Variants in DCP2 observed in about 807,000 individuals in gnomAD.
The protein encoded by DCP2 is m7GpppN-mRNA hydrolase.
DCP2 carries 30 observed loss-of-function variants against 56.1 expected under a neutral mutation model. That is an observed-to-expected ratio of 0.53 (90% confidence interval 0.40 to 0.73). The LOEUF is 0.73. Ranked by LOEUF, DCP2 falls within the 30% of genes least tolerant of loss-of-function variation. The pLI is 0.00. For missense variants in DCP2, 533 were observed against 502.7 expected (o/e 1.06, Z -0.58); for synonymous variants, 197 against 163.3 (o/e 1.21, Z -1.57).
chr5:112,990,075 G>A (rs1748510225), intron 2 of DCP2, among the ~76,000 whole-genome samples: 1 of 152,168 alleles, frequency 6.6e-6, no homozygotes, highest in Non-Finnish European at 1.5e-5. Context: ...ACATATATTT[G>A]TACATGTAAA....
chr5:112,992,248 T>C lies in DCP2; in HGVS notation c.333T>C (p.Asn111=), dbSNP rs761619237. 13 of 1,609,464 alleles carry C rather than the reference T, an allele frequency of 8.1e-6. No individual in the cohort carries two copies. The Admixed American group carries it at 1.4e-4, about 17-fold the overall frequency. Reference sequence around the variant, plus strand: ...TTATTCTTGATGAGACACTTGAAAATGTGAGTGTAATGAAATAAAGATTTT... The same window carrying C: ...TTATTCTTGATGAGACACTTGAAAACGTGAGTGTAATGAAATAAAGATTTT... The part of the protein sequence containing the change: ...GAIILDETLE[N]VLLVQGYLAK... The change falls in exon 3 of 11, where the codon AAT becomes AAC. Residue 111 remains asparagine, a splice_region_variant and synonymous_variant. Coordinates refer to ENST00000389063, the MANE Select transcript of DCP2 (RefSeq NM_152624.6).
At chr5:112,982,389 T>C (rs896147039) in intron 1 of DCP2, among the ~76,000 whole-genome samples, 1 of 152,210 alleles carries the variant, frequency 6.6e-6, no homozygotes, top group African/African-American at 2.4e-5. Flanking sequence ...TTCACAACTC[T>C]CTGAGATGGT....
At chr5:112,989,036 A>G (rs1221352652) in intron 2 of DCP2, among the ~76,000 whole-genome samples, 2 of 152,222 alleles carry the variant, frequency 1.3e-5, no homozygotes, top group Admixed American at 1.3e-4. Flanking sequence ...ACACTTCATT[A>G]AGTAACTTCA....
chr5:113,005,014 A>G (rs1165355435), intron 8 of DCP2, among the ~76,000 whole-genome samples: 1 of 151,812 alleles, frequency 6.6e-6, no homozygotes, highest in African/African-American at 2.4e-5. Flanking sequence ...AATCCCAGCT[A>G]CTCTAGATAG....
intron 2 of DCP2, among the ~76,000 whole-genome samples, chr5:112,986,199 C>T (rs947685147): frequency 3.3e-5 from 5 of 152,030 alleles, no homozygotes; most frequent in Admixed American, 3.3e-4. Context: ...ACAGAGGACG[C>T]CCTAAAATGT....
At chr5:112,986,114 T>C in intron 2 of DCP2, 128 bp downstream of exon 2, 1 of 905,236 alleles carries the variant, frequency 1.1e-6, no homozygotes, top group Non-Finnish European at 1.6e-6. Context: ...CTAAAATTTG[T>C]CAAACATAAA....
chr5:112,997,354 T>A (rs1748907832), intron 4 of DCP2, among the ~76,000 whole-genome samples: 1 of 152,274 alleles, frequency 6.6e-6, no homozygotes, highest in Admixed American at 6.5e-5. Context: ...TTCTTGAGAA[T>A]AAGCGAATAA....
At chr5:112,999,279 T>C (rs12654474) in intron 4 of DCP2, among the ~76,000 whole-genome samples, 68,691 of 152,080 alleles carry the variant, frequency 0.45, 16,394 homozygotes, top group East Asian at 0.64. Context: ...AGAAAATAAC[T>C]ATAAAACTAG....
At chr5:113,009,840 C>G (rs1749600612) in intron 9 of DCP2, among the ~76,000 whole-genome samples, 1 of 152,004 alleles carries the variant, frequency 6.6e-6, no homozygotes, top group South Asian at 2.1e-4. Flanking sequence ...TGTTAACACA[C>G]ATCTTCATAG....
At chr5:113,011,282 G>A (rs1278872368) in intron 10 of DCP2, among the ~76,000 whole-genome samples, 1 of 152,098 alleles carries the variant, frequency 6.6e-6, no homozygotes, top group Non-Finnish European at 1.5e-5. Context: ...TCTTTTGGAG[G>A]CAGTGTTCAA....
Position 112,976,959 on chromosome 5 carries a change from C to T in DCP2, c.26C>T (p.Pro9Leu), listed in dbSNP as rs745419260. 23 of 1,594,646 alleles carry T rather than the reference C, an allele frequency of 1.4e-5. No homozygotes were observed. In the East Asian group the frequency reaches 5.0e-4, roughly 35 times the overall value. METKRVEI[P>L]GSVLDDLCSR... is the part of the protein sequence containing the mutation. ...ATGGAGACCAAACGGGTGGAGATTCCCGGCAGCGTCCTGGACGATCTCTGC... is the reference window on the plus strand; with the variant it reads ...ATGGAGACCAAACGGGTGGAGATTCTCGGCAGCGTCCTGGACGATCTCTGC... The change falls in exon 1 of 11, where the codon CCC becomes CTC. Residue 9 changes from proline to leucine, a missense_variant. Physicochemically the swap from Pro to Leu is moderately conservative, Grantham distance 98. Around this residue, in one of 3 missense-constraint regions of DCP2, gnomAD observed 137 missense variants for 138.2 expected, o/e 0.99. Coordinates refer to ENST00000389063, the MANE Select transcript of DCP2 (RefSeq NM_152624.6).
At chr5:113,001,953 G>T (rs1035876590) in intron 7 of DCP2, among the ~76,000 whole-genome samples, 2 of 152,098 alleles carry the variant, frequency 1.3e-5, no homozygotes, top group Non-Finnish European at 2.9e-5. Flanking sequence ...AAAAAATCTT[G>T]TGTCGTGTGT....
intron 4 of DCP2, among the ~76,000 whole-genome samples, chr5:112,994,646 C>T (rs1748766014): frequency 6.6e-6 from 1 of 152,100 alleles, no homozygotes; most frequent in Non-Finnish European, 1.5e-5. Context: ...CACAATTTAT[C>T]ATGTATCACA....
intron 1 of DCP2, among the ~76,000 whole-genome samples, 198 bp from the exon 2 acceptor site, chr5:112,985,637 G>C (rs752782063): frequency 6.6e-6 from 1 of 152,172 alleles, no homozygotes; most frequent in African/African-American, 2.4e-5. Flanking sequence ...TGTATTAAAA[G>C]TGAGATACAT....
At chr5:112,984,513 C>A (rs1273996654) in intron 1 of DCP2, 1 of 151,638 alleles carries the variant, frequency 6.6e-6, no homozygotes, top group East Asian at 1.9e-4. Flanking sequence ...TGTGCTAAAA[C>A]CTTCCAGATA....
At position 113,013,667 on chromosome 5, in the gene DCP2, A is replaced by T; in HGVS notation, c.*183A>T. 1 of 655,090 alleles carries T rather than the reference A, an allele frequency of 1.5e-6. No homozygotes were observed. 40.6% of individuals were successfully genotyped at this position (655,090 alleles called of 1,614,324 possible). A position where few individuals can be genotyped will look rare whatever the true frequency, so the allele number is the denominator to read the frequency against. On this transcript the variant is annotated 3_prime_UTR_variant, in exon 11 of 11. Coordinates refer to ENST00000389063, the MANE Select transcript of DCP2 (RefSeq NM_152624.6). ...GAGTTTGCACTGTAAATGCAGTTATAACCTTTTATACAGATTTACCTTTTC... is the reference window on the plus strand; with the variant it reads ...GAGTTTGCACTGTAAATGCAGTTATTACCTTTTATACAGATTTACCTTTTC...
chr5:113,008,914 GC>G (rs542709408), intron 9 of DCP2, among the ~76,000 whole-genome samples: 2 of 152,014 alleles, frequency 1.3e-5, no homozygotes, highest in South Asian at 2.1e-4. Flanking sequence ...CACGATCTCG[GC>G]TCACTGCAAC....
chr5:113,013,302 T>G lies in DCP2; in HGVS notation c.1100-19T>G. 5 of 1,595,504 alleles carry G rather than the reference T, an allele frequency of 3.1e-6. No homozygotes were observed. The highest frequency in any genetic ancestry group is 4.3e-6 in the Non-Finnish European group (5 of 1,170,284). On this transcript the variant is annotated intron_variant, in intron 10 of 10. Coordinates refer to ENST00000389063, the MANE Select transcript of DCP2 (RefSeq NM_152624.6). ...ACTAAGGTTACTGAGCTTATTTATTTTGTTTTTTCTTTAAACAGATGCTGT... is the reference window on the plus strand; with the variant it reads ...ACTAAGGTTACTGAGCTTATTTATTGTGTTTTTTCTTTAAACAGATGCTGT...
intron 8 of DCP2, among the ~76,000 whole-genome samples, chr5:113,006,237 A>C (rs1053188467): frequency 6.6e-6 from 1 of 152,170 alleles, no homozygotes; most frequent in Non-Finnish European, 1.5e-5. Flanking sequence ...ATGTTATTCC[A>C]TTCCTAAATA....
Sources: gnomAD v4.1 joint callset for allele counts (sites outside exome capture counted in the v4.1 genomes callset) on GRCh38, gnomAD v4.1.1 for gene constraint, gnomAD v4.1.1 regional missense constraint, MANE v1.5 for transcripts, NCBI Gene and HGNC (gene_info 2026-07-23, HGNC 2026-07-21) for gene names.